The following NEBL variants were observed in gnomAD, a reference collection of about 807,000 sequenced individuals.
NEBL encodes the protein LIM and SH3 protein 2.
Under a neutral mutation model 140.2 loss-of-function variants are expected in NEBL, and 122 were observed. That is an observed-to-expected ratio of 0.87 (90% CI 0.75 to 1.01). The LOEUF is 1.01. Among genes scored for constraint, NEBL ranks in the 50% least tolerant of loss-of-function variants. NEBL has a pLI of 0.00. For missense variants in NEBL, 1,365 were observed against 1,231.3 expected (o/e 1.11, Z -1.62); for synonymous variants, 436 against 398.9 (o/e 1.09, Z -1.11).
chr10:20,819,122 C>T (rs1839019879), intron 20 of NEBL: 2 of 946,304 alleles, frequency 2.1e-6, no homozygotes, highest in South Asian at 4.6e-5. Context: ...CACAGGTGAA[C>T]TTGTGTTATG....
At chr10:21,064,825 A>G (rs1239106042) in intron 2 of NEBL, among the ~76,000 whole-genome samples, 1 of 152,190 alleles carries the variant, frequency 6.6e-6, no homozygotes, top group Admixed American at 6.5e-5. Flanking sequence ...ACTGAGATCT[A>G]TGGTGAGAGG....
At chr10:21,151,391 T>C (rs1840130660) in intron 2 of NEBL, among the ~76,000 whole-genome samples, 4 of 152,218 alleles carry the variant, frequency 2.6e-5, no homozygotes. Context: ...AATGCACTCT[T>C]GTTTACACCC....
chr10:21,099,038 C>T (rs1203491864), intron 2 of NEBL, among the ~76,000 whole-genome samples: 3 of 152,128 alleles, frequency 2.0e-5, no homozygotes, highest in Non-Finnish European at 4.4e-5. Context: ...AAGGCTAAGG[C>T]GGTAGGATGG....
intron 3 of NEBL, among the ~76,000 whole-genome samples, chr10:21,207,136 G>A (rs1200931627): frequency 6.6e-6 from 1 of 151,856 alleles, no homozygotes; most frequent in Non-Finnish European, 1.5e-5. Flanking sequence ...ACCACGCCTG[G>A]CTAATTTTTG....
intron 3 of NEBL, among the ~76,000 whole-genome samples, chr10:21,199,170 G>A (rs745343497): frequency 2.0e-5 from 3 of 151,522 alleles, no homozygotes; most frequent in Non-Finnish European, 1.5e-5. Flanking sequence ...GACGACGGGT[G>A]TGAGCCACCA....
At position 21,119,670 on chromosome 10, in the gene NEBL, A is replaced by G. The variant is rs1477644366; in HGVS notation, c.164+52713T>C. ...TTAAGTCATAAATGCTTCAACATGA[A>G]TCTCCCAAAAACAAAAACATTCTCT... On this transcript the variant is annotated intron_variant, in intron 2 of 6. Transcript: ENST00000417816. 2.0e-5 allele frequency among the ~76,000 whole-genome samples: 3 copies of G among 152,008 alleles called. No individual in the cohort carries two copies. The East Asian group carries it at 5.8e-4, about 29-fold the overall frequency.
At chr10:20,988,540 C>G (rs942907000) in intron 3 of NEBL, among the ~76,000 whole-genome samples, 8 of 152,156 alleles carry the variant, frequency 5.3e-5, no homozygotes, top group Non-Finnish European at 8.8e-5. Flanking sequence ...TCCTATCCCC[C>G]CTTGCCTAGC....
chr10:20,876,042 A>T (rs1845467296), intron 5 of NEBL, among the ~76,000 whole-genome samples: 1 of 152,224 alleles, frequency 6.6e-6, no homozygotes, highest in African/African-American at 2.4e-5. Flanking sequence ...ATCTCAAATG[A>T]TGCTTATCTT....
chr10:21,033,064 A>G (rs1267516161), intron 2 of NEBL, among the ~76,000 whole-genome samples: 2 of 152,230 alleles, frequency 1.3e-5, no homozygotes, highest in Admixed American at 6.5e-5. Flanking sequence ...CTAGTGGAAG[A>G]GAGTCTATTC....
Position 20,831,324 on chromosome 10 carries a change from A to T in NEBL, c.1561-18T>A. On this transcript the variant is annotated intron_variant, in intron 15 of 27. Coordinates refer to ENST00000377122, the MANE Select transcript of NEBL (RefSeq NM_006393.3). ...TATTGTTTCTAAAAGAACAGAAAAT[A>T]ATCTTAGAGCTTTGCTTAAGCTTTA... The T allele has an allele frequency of 6.3e-7, 1 of 1,584,360 alleles. No homozygotes were observed. Among genetic ancestry groups the T allele is most frequent in the South Asian group, 1.1e-5 (1 of 90,494 alleles).
chr10:20,976,963 C>T (rs1379421420), intron 3 of NEBL, among the ~76,000 whole-genome samples: 1 of 150,824 alleles, frequency 6.6e-6, no homozygotes, highest in Non-Finnish European at 1.5e-5. Context: ...TTACCTGTAC[C>T]TAAACAAAGG....
intron 26 of NEBL, among the ~76,000 whole-genome samples, chr10:20,793,965 A>C (rs1485968338): frequency 6.6e-6 from 1 of 152,190 alleles, no homozygotes; most frequent in African/African-American, 2.4e-5. Flanking sequence ...TCTATTTTAA[A>C]CATGCTATTT....
Position 20,931,952 on chromosome 10 carries a change from T to C in NEBL, c.357+29720A>G, listed in dbSNP as rs77393904. Among the ~76,000 whole-genome samples the C allele has an allele frequency of 5.6e-3, 851 of 152,348 alleles. 10 individuals carry two copies. The highest frequency in any genetic ancestry group is 0.02 in the African/African-American group (816 of 41,566). On this transcript the variant is annotated intron_variant, in intron 4 of 6. Transcript: ENST00000417816. ...ATTACTAACAGCATATTCTTTCATGTATTCCTTCCCTGGTCTTCCTCATCT... is the reference window on the plus strand; with the variant it reads ...ATTACTAACAGCATATTCTTTCATGCATTCCTTCCCTGGTCTTCCTCATCT...
chr10:20,958,906 T>C (rs374532763), intron 4 of NEBL, among the ~76,000 whole-genome samples: 4 of 152,214 alleles, frequency 2.6e-5, no homozygotes, highest in Admixed American at 2.0e-4. Context: ...CTCAGTAACA[T>C]GCAGACTGAG....
chr10:21,085,413 G>A (rs1057453696), intron 2 of NEBL, among the ~76,000 whole-genome samples: 2 of 152,114 alleles, frequency 1.3e-5, no homozygotes, highest in African/African-American at 4.8e-5. Flanking sequence ...CTTGAAGCCA[G>A]GAGTTCGAGA....
intron 2 of NEBL, among the ~76,000 whole-genome samples, chr10:21,134,552 G>T (rs538141775): frequency 3.3e-5 from 5 of 152,032 alleles, no homozygotes; most frequent in Non-Finnish European, 1.5e-5. Flanking sequence ...TTCTTCCAAG[G>T]ACTACCTTTT....
intron 2 of NEBL, among the ~76,000 whole-genome samples, chr10:21,153,518 AAT>A (rs1443506640): frequency 2.0e-5 from 3 of 150,826 alleles, no homozygotes; most frequent in South Asian, 2.1e-4. Flanking sequence ...TATTAAAACA[AAT>A]ATATATATTA....
At chr10:21,196,313 T>TTTA (rs1554832543) in intron 3 of NEBL, among the ~76,000 whole-genome samples, 6 of 140,538 alleles carry the variant, frequency 4.3e-5, no homozygotes, top group East Asian at 4.2e-4. Context: ...ATATTTTTAT[T>TTTA]TTTATTTATT....
intron 3 of NEBL, among the ~76,000 whole-genome samples, chr10:21,194,687 C>T (rs1341178884): frequency 1.3e-5 from 2 of 152,152 alleles, no homozygotes; most frequent in African/African-American, 4.8e-5. Context: ...TTTGAGGCCA[C>T]ACAGAGCCTC....
Sources: gnomAD v4.1 joint callset for allele counts (sites outside exome capture counted in the v4.1 genomes callset) on GRCh38, gnomAD v4.1.1 for gene constraint, MANE v1.5 for transcripts, NCBI Gene and HGNC (gene_info 2026-07-23, HGNC 2026-07-21) for gene names.